The following SLC16A12 variants were observed in gnomAD, a reference collection of about 807,000 sequenced individuals.
SLC16A12 encodes the protein solute carrier family 16 member 12, also known as monocarboxylate transporter 12.
Under a neutral mutation model 42.4 loss-of-function variants are expected in SLC16A12, and 17 were observed. The observed-to-expected ratio is 0.40, with a 90% CI of 0.27 to 0.60. The LOEUF is 0.60. Among genes scored for constraint, SLC16A12 ranks in the 20% least tolerant of loss-of-function variants. The pLI is 0.42. For missense variants in SLC16A12, 544 were observed against 623.0 expected (o/e 0.87, Z 1.35); for synonymous variants, 224 against 229.4 (o/e 0.98, Z 0.21).
chr10:89,451,770 A>G (rs1294566510), intron 3 of SLC16A12, among the ~76,000 whole-genome samples: 1 of 152,166 alleles, frequency 6.6e-6, no homozygotes, highest in Non-Finnish European at 1.5e-5. Context: ...AGTGGCGGAG[A>G]TACGTGCAAT....
intron 2 of SLC16A12, among the ~76,000 whole-genome samples, chr10:89,552,945 C>G (rs995120449): frequency 6.6e-6 from 1 of 152,152 alleles, no homozygotes; most frequent in Non-Finnish European, 1.5e-5. Context: ...ATGCATTGGA[C>G]TCAGAATTTG....
chr10:89,433,105 C>A lies in SLC16A12; in HGVS notation c.1510G>T (p.Glu504Ter). The change falls in exon 8 of 8, where the codon GAG (glutamate) becomes TAG (stop). Residue 504 changes from glutamate (E) to a stop codon, truncating the protein, a stop_gained. Transcript: ENST00000371790. LOFTEE classifies it high-confidence loss of function. ...CCAGGCACTGCTGTAGCCACAGGCT[C>A]CCCATGTTTCTGATCTAATTCTCTT... ...VARELDQKHG[E>*]PVATAVPGYS... The A allele has an allele frequency of 6.2e-7, 1 of 1,614,160 alleles. No homozygotes were observed. The highest frequency in any genetic ancestry group is 2.2e-5 in the East Asian group (1 of 44,884).
chr10:89,454,904 G>A (rs899966579), intron 3 of SLC16A12, among the ~76,000 whole-genome samples: 1 of 151,968 alleles, frequency 6.6e-6, no homozygotes, highest in African/African-American at 2.4e-5. Flanking sequence ...CAAATATCTA[G>A]TATAGTACCT....
At chr10:89,483,738 TAAAAAAAAAA>T (rs1253654983) in intron 2 of SLC16A12, among the ~76,000 whole-genome samples, 1 of 62,318 alleles carries the variant, frequency 1.6e-5, no homozygotes, top group East Asian at 3.6e-4. Flanking sequence ...ACGCTGCCTC[TAAAAAAAAAA>T]AAAAACAAAA....
intron 2 of SLC16A12, among the ~76,000 whole-genome samples, chr10:89,530,804 T>C (rs966004598): frequency 2.6e-5 from 4 of 152,136 alleles, no homozygotes; most frequent in South Asian, 4.1e-4. Flanking sequence ...AAAAGGAACC[T>C]TGCATCCATC....
At chr10:89,482,543 G>A (rs552496487) in intron 2 of SLC16A12, among the ~76,000 whole-genome samples, 9 of 152,296 alleles carry the variant, frequency 5.9e-5, no homozygotes, top group East Asian at 1.9e-4. Context: ...CACTTGGGGA[G>A]GCTGAGGTGG....
intron 3 of SLC16A12, among the ~76,000 whole-genome samples, chr10:89,461,847 T>C (rs1038543501): frequency 1.3e-5 from 2 of 152,178 alleles, no homozygotes; most frequent in African/African-American, 4.8e-5. Context: ...CCCAGAAAAG[T>C]GATTTCATTA....
At chr10:89,497,115 G>A (rs1485021002) in intron 2 of SLC16A12, among the ~76,000 whole-genome samples, 17 of 152,144 alleles carry the variant, frequency 1.1e-4, no homozygotes, top group Admixed American at 1.1e-3. Context: ...TGTAATATGT[G>A]TACAACACCA....
rs1287133144 is a variant in SLC16A12 at position 89,430,793 on chromosome 10, T to C, written c.*2271A>G. On this transcript the variant is annotated 3_prime_UTR_variant, in exon 8 of 8. Coordinates refer to ENST00000371790, the MANE Select transcript of SLC16A12 (RefSeq NM_213606.4). ...CACTATGCTTATTTTTCATAAATAC[T>C]TGTAATACTTCACAGAAATTATATT... The C allele has an allele frequency of 2.3e-6, 1 of 436,566 alleles. No homozygotes were observed. The highest frequency in any genetic ancestry group is 4.6e-6 in the Non-Finnish European group (1 of 217,488). The allele number at this position is 436,566 out of a possible 1,614,324, so 27.0% of individuals were successfully genotyped here. A position where few individuals can be genotyped will look rare whatever the true frequency, so the allele number is the denominator to read the frequency against.
chr10:89,509,495 C>T (rs563979956), intron 2 of SLC16A12, among the ~76,000 whole-genome samples: 82 of 151,518 alleles, frequency 5.4e-4, no homozygotes, highest in African/African-American at 1.9e-3. Context: ...ACAAAAACTA[C>T]ATTATCTTGA....
chr10:89,464,812 TC>T (rs1842365526), intron 2 of SLC16A12, among the ~76,000 whole-genome samples: 1 of 152,156 alleles, frequency 6.6e-6, no homozygotes, highest in Non-Finnish European at 1.5e-5. Context: ...CCCACATACA[TC>T]ACTTAGGTTT....
chr10:89,461,107 T>C (rs974938111), intron 3 of SLC16A12, among the ~76,000 whole-genome samples: 3 of 152,206 alleles, frequency 2.0e-5, no homozygotes, highest in East Asian at 1.9e-4. Flanking sequence ...TGAAAGCACC[T>C]GTAGAGGAAA....
chr10:89,439,812 C>T (rs949512253), intron 5 of SLC16A12, among the ~76,000 whole-genome samples: 2 of 151,982 alleles, frequency 1.3e-5, no homozygotes, highest in Admixed American at 1.3e-4. Flanking sequence ...TGGCTCATGC[C>T]TGTAATCCCA....
chr10:89,458,851 A>G (rs559326236), intron 3 of SLC16A12, among the ~76,000 whole-genome samples: 1 of 152,358 alleles, frequency 6.6e-6, no homozygotes, highest in East Asian at 1.9e-4. Flanking sequence ...TCCCCTTCCT[A>G]TAAATTGCAA....
At chr10:89,539,838 T>C (rs140315722), upstream of SLC16A12, among the ~76,000 whole-genome samples, 19 of 149,842 alleles carry the variant, frequency 1.3e-4, no homozygotes, top group African/African-American at 4.6e-4. Context: ...AATTCTTCCT[T>C]AGACACCAAG....
intron 3 of SLC16A12, among the ~76,000 whole-genome samples, chr10:89,454,774 A>G (rs1256868068): frequency 6.6e-6 from 1 of 151,846 alleles, no homozygotes; most frequent in Non-Finnish European, 1.5e-5. Context: ...ACGTGTTTCA[A>G]CTACATGCTG....
intron 2 of SLC16A12, among the ~76,000 whole-genome samples, chr10:89,515,696 A>G (rs950171146): frequency 2.0e-5 from 3 of 152,122 alleles, no homozygotes; most frequent in South Asian, 2.1e-4. Context: ...GTGTTGCCCA[A>G]AGAAAACCAG....
intron 2 of SLC16A12, among the ~76,000 whole-genome samples, chr10:89,494,126 A>G (rs1842887759): frequency 6.6e-6 from 1 of 152,246 alleles, no homozygotes; most frequent in Admixed American, 6.5e-5. Context: ...CTAACACGAA[A>G]GTGTCAGCCA....
At chr10:89,451,007 C>T (rs1326306699) in intron 3 of SLC16A12, among the ~76,000 whole-genome samples, 2 of 152,032 alleles carry the variant, frequency 1.3e-5, no homozygotes, top group Non-Finnish European at 2.9e-5. Flanking sequence ...GAACCAGAAG[C>T]AATAGTTTGC....
Sources: gnomAD v4.1 joint callset for allele counts (sites outside exome capture counted in the v4.1 genomes callset) on GRCh38, gnomAD v4.1.1 for gene constraint, MANE v1.5 for transcripts, NCBI Gene and HGNC (gene_info 2026-07-23, HGNC 2026-07-21) for gene names.